Variants in EXOC6B observed in about 807,000 individuals in gnomAD.
EXOC6B encodes the protein exocyst complex component 6B.
A neutral mutation model predicts 113.5 loss-of-function variants in EXOC6B; 54 were observed. The ratio of observed to expected loss-of-function variants is 0.48; its 90% CI spans 0.38 to 0.60. The LOEUF is 0.60. Among genes scored for constraint, EXOC6B ranks in the 20% least tolerant of loss-of-function variants. EXOC6B has a pLI of 0.00. For missense variants in EXOC6B, 797 were observed against 977.5 expected (o/e 0.82, Z 2.46); for synonymous variants, 357 against 339.0 (o/e 1.05, Z -0.58).
chr2:72,710,660 T>C (rs1431113439), intron 6 of EXOC6B, among the ~76,000 whole-genome samples: 1 of 152,190 alleles, frequency 6.6e-6, no homozygotes, highest in Non-Finnish European at 1.5e-5. Context: ...TGGTGGTGAA[T>C]ACATGGTCTA....
intron 20 of EXOC6B, among the ~76,000 whole-genome samples, chr2:72,204,996 C>T (rs895287015): frequency 7.9e-5 from 12 of 152,152 alleles, no homozygotes; most frequent in African/African-American, 2.2e-4. Flanking sequence ...CTCCTGGTCC[C>T]ATTTCCAGAC....
At chr2:72,591,128 G>C (rs575494997) in intron 6 of EXOC6B, among the ~76,000 whole-genome samples, 98 of 152,128 alleles carry the variant, frequency 6.4e-4, no homozygotes, top group African/African-American at 2.3e-3. Context: ...AAAAATTGAG[G>C]AGTAGGCTAT....
chr2:72,258,076 G>T (rs62147627), intron 20 of EXOC6B, among the ~76,000 whole-genome samples: 5,897 of 152,252 alleles, frequency 0.039, 140 homozygotes, highest in Non-Finnish European at 0.052. Context: ...GCCTATATAT[G>T]ATTAGATTAT....
intron 6 of EXOC6B, among the ~76,000 whole-genome samples, chr2:72,631,426 G>GTGTATATATATA (rs1290760055): frequency 1.4e-4 from 4 of 28,162 alleles, no homozygotes; most frequent in African/African-American, 3.5e-4. Context: ...GTGTGTGTGT[G>GTGTATATATATA]TATATATATA....
chr2:72,685,253 GA>G (rs765496791), intron 6 of EXOC6B, among the ~76,000 whole-genome samples: 2 of 151,124 alleles, frequency 1.3e-5, no homozygotes, highest in African/African-American at 4.9e-5. Flanking sequence ...GAAATGTTAA[GA>G]AAAAAAAAGT....
At chr2:72,292,497 A>G (rs1385728056) in intron 20 of EXOC6B, among the ~76,000 whole-genome samples, 1 of 149,414 alleles carries the variant, frequency 6.7e-6, no homozygotes, top group Non-Finnish European at 1.5e-5. Flanking sequence ...ATTCAGATAC[A>G]GACCCTGTTT....
chr2:72,346,574 C>T (rs1355411464), intron 19 of EXOC6B, among the ~76,000 whole-genome samples: 1 of 152,000 alleles, frequency 6.6e-6, no homozygotes, highest in Non-Finnish European at 1.5e-5. Context: ...TTTAAAAAAA[C>T]GAAGACGATT....
intron 1 of EXOC6B, among the ~76,000 whole-genome samples, chr2:72,791,751 C>T (rs1684684813): frequency 6.6e-6 from 1 of 152,176 alleles, no homozygotes; most frequent in Non-Finnish European, 1.5e-5. Flanking sequence ...TTAATGAAGT[C>T]ATCTTTTTAA....
Position 72,509,893 on chromosome 2 carries a change from G to A in EXOC6B, c.1167+3239C>T, listed in dbSNP as rs530639514. ...CTGTCACCCAGGCTGGAGTGCAGTG[G>A]CACTGTCTCAGCTCACTGCAGCCTC... On this transcript the variant is annotated intron_variant, in intron 11 of 21. Coordinates refer to ENST00000272427, the MANE Select transcript of EXOC6B (RefSeq NM_015189.3). Among the ~76,000 whole-genome samples the A allele has an allele frequency of 8.6e-5, 13 of 152,038 alleles. No homozygotes were observed. The South Asian group carries it at 2.5e-3, about 29-fold the overall frequency.
intron 20 of EXOC6B, among the ~76,000 whole-genome samples, chr2:72,310,850 A>ACAC (rs1687141116): frequency 8.3e-6 from 1 of 120,290 alleles, no homozygotes; most frequent in East Asian, 2.1e-4. Flanking sequence ...TATTTCATTT[A>ACAC]ACACACACAC....
intron 20 of EXOC6B, among the ~76,000 whole-genome samples, chr2:72,228,026 A>G (rs1351340060): frequency 6.6e-6 from 1 of 152,200 alleles, no homozygotes; most frequent in Admixed American, 6.5e-5. Context: ...ATTGAAGTAT[A>G]GATGAGAGAG....
At chr2:72,674,317 G>A (rs1004992174) in intron 6 of EXOC6B, among the ~76,000 whole-genome samples, 3 of 152,156 alleles carry the variant, frequency 2.0e-5, no homozygotes, top group Non-Finnish European at 4.4e-5. Flanking sequence ...GTTGCTCTAT[G>A]ATTAAGAAGG....
At chr2:72,363,093 G>C (rs1243982523) in intron 19 of EXOC6B, among the ~76,000 whole-genome samples, 3 of 152,082 alleles carry the variant, frequency 2.0e-5, no homozygotes, top group Non-Finnish European at 4.4e-5. Context: ...CCAGGATCCA[G>C]TGCTCTAATG....
intron 19 of EXOC6B, among the ~76,000 whole-genome samples, chr2:72,367,336 T>TA (rs58358998): frequency 0.89 from 134,309 of 151,072 alleles, 59,744 homozygotes; most frequent in East Asian, 0.99. Context: ...CTGATTAATC[T>TA]AAAAAAAAGC....
rs151234132 is a variant in EXOC6B, at chr2:72,759,182, A to G, written c.114-17713T>C. On this transcript the variant is annotated intron_variant, in intron 1 of 21. Transcript: ENST00000272427. ...CAGCAAAATGCAGATAATGGTAGGA[A>G]CCAATTCATACAGTTGCTGTGTGAA... Among the ~76,000 whole-genome samples the G allele has an allele frequency of 3.8e-3, 582 of 152,314 alleles. 4 individuals are homozygous for G. The highest frequency in any genetic ancestry group is 0.013 in the African/African-American group (560 of 41,572).
chr2:72,371,317 A>T (rs954475526), intron 19 of EXOC6B, among the ~76,000 whole-genome samples: 1 of 152,198 alleles, frequency 6.6e-6, no homozygotes, highest in Admixed American at 6.5e-5. Context: ...AAATTGAGGA[A>T]GGAATACTTC....
chr2:72,539,930 A>G (rs1415636225), intron 8 of EXOC6B, among the ~76,000 whole-genome samples: 2 of 142,494 alleles, frequency 1.4e-5, no homozygotes, highest in Admixed American at 1.4e-4. Flanking sequence ...TATATCTCCT[A>G]ATGCTATCCC....
At chr2:72,477,358 G>C (rs1052297987) in intron 17 of EXOC6B, among the ~76,000 whole-genome samples, 1 of 151,974 alleles carries the variant, frequency 6.6e-6, no homozygotes, top group African/African-American at 2.4e-5. Flanking sequence ...AACTATCTTT[G>C]ACTCCTGTCT....
At chr2:72,481,447 A>G (rs542547355) in intron 16 of EXOC6B, among the ~76,000 whole-genome samples, 5 of 152,236 alleles carry the variant, frequency 3.3e-5, no homozygotes, top group Non-Finnish European at 5.9e-5. Flanking sequence ...CAACTAAAAC[A>G]TTGCCAAATG....
Sources: gnomAD v4.1 joint callset for allele counts (sites outside exome capture counted in the v4.1 genomes callset) on GRCh38, gnomAD v4.1.1 for gene constraint, MANE v1.5 for transcripts, NCBI Gene and HGNC (gene_info 2026-07-23, HGNC 2026-07-21) for gene names.